Variants in MGRN1 observed in about 807,000 individuals in gnomAD.
MGRN1 encodes mahogunin ring finger 1.
In MGRN1, 29 loss-of-function variants were observed where a neutral mutation model predicts 69.2. That is an observed-to-expected ratio of 0.42 (90% CI 0.31 to 0.57). MGRN1 has a LOEUF of 0.57. Ranked by LOEUF, MGRN1 falls within the 20% of genes least tolerant of loss-of-function variation. The probability of loss-of-function intolerance (pLI) is 0.15; values close to 1 mark genes in which losing one functional copy is unlikely to be tolerated. For missense variants in MGRN1, 998 were observed against 796.2 expected (o/e 1.25, Z -3.05); for synonymous variants, 470 against 344.2 (o/e 1.37, Z -4.04).
chr16:4,638,937 G>A (rs1293043591), intron 1 of MGRN1, among the ~76,000 whole-genome samples: 3 of 152,082 alleles, frequency 2.0e-5, no homozygotes, highest in Admixed American at 2.0e-4. Flanking sequence ...AGACATGCTG[G>A]GTGTCTTCAT....
intron 7 of MGRN1, among the ~76,000 whole-genome samples, chr16:4,666,931 A>C (rs2141930552): frequency 6.6e-6 from 1 of 152,294 alleles, no homozygotes; most frequent in Middle Eastern, 3.4e-3. Flanking sequence ...CCCACCTGGC[A>C]TGGGTTTCTG....
chr16:4,655,860 G>C (rs1472013122), intron 4 of MGRN1, among the ~76,000 whole-genome samples: 2 of 152,386 alleles, frequency 1.3e-5, no homozygotes, highest in East Asian at 3.9e-4. Context: ...AGAGGGGTGT[G>C]TCCAGGCCTC....
rs552079243 is a variant in MGRN1, at chr16:4,676,183, G to T, written c.956-1280G>T. On this transcript the variant is annotated intron_variant, in intron 10 of 16. Coordinates refer to ENST00000262370, the MANE Select transcript of MGRN1 (RefSeq NM_015246.4). ...GAGGCTGCTGGGGCCTGGAGGGAGA[G>T]GCCGGCCGCCCAGCCTGTGGCAGAT... Among the ~76,000 whole-genome samples the T allele has an allele frequency of 3.3e-5, 5 of 152,338 alleles. No homozygotes were observed. The East Asian group carries it at 9.6e-4, about 29-fold the overall frequency.
intron 4 of MGRN1, among the ~76,000 whole-genome samples, chr16:4,656,983 T>G (rs1212964873): frequency 1.3e-5 from 2 of 152,172 alleles, no homozygotes; most frequent in Non-Finnish European, 2.9e-5. Context: ...TGGGGAGGTA[T>G]CAAAGGGATT....
In MGRN1 at chr16:4,683,938, G is replaced by A; in HGVS notation, c.1618+6G>A. The A allele has an allele frequency of 6.3e-7, 1 of 1,588,160 alleles. No individual in the cohort carries two copies. The highest frequency in any genetic ancestry group is 1.3e-5 in the African/African-American group (1 of 74,396). ...TGCTGACATCTACCTGCCAGGTAAG[G>A]GGCTGGGGGTCTGGGGGTGAGGGGC... On this transcript the variant is annotated splice_donor_region_variant and intron_variant, in intron 16 of 16. Coordinates refer to ENST00000262370, the MANE Select transcript of MGRN1 (RefSeq NM_015246.4).
At chr16:4,645,000 G>A (rs1286984361) in intron 1 of MGRN1, among the ~76,000 whole-genome samples, 1 of 152,012 alleles carries the variant, frequency 6.6e-6, no homozygotes, top group Non-Finnish European at 1.5e-5. Flanking sequence ...TATGTTAATT[G>A]TAGAAAACTT....
intron 5 of MGRN1, 40 bp from the exon 6 acceptor site, chr16:4,664,669 C>A (rs1307640422): frequency 6.2e-7 from 1 of 1,609,076 alleles, no homozygotes; most frequent in African/African-American, 1.3e-5. Context: ...CCAGGCTTGG[C>A]TGTGTGGGTC....
chr16:4,645,717 G>C (rs759652023), intron 1 of MGRN1, among the ~76,000 whole-genome samples: 1 of 152,168 alleles, frequency 6.6e-6, no homozygotes, highest in Non-Finnish European at 1.5e-5. Context: ...GAGGACTCCA[G>C]GGCCCCGAGG....
intron 16 of MGRN1, chr16:4,688,021 A>G: frequency 1.0e-6 from 1 of 985,506 alleles, no homozygotes; most frequent in Non-Finnish European, 1.2e-6. Context: ...GGAGCTGGGG[A>G]GTGCAGGTGT....
Position 4,689,046 on chromosome 16 carries a change from T to A in MGRN1, c.*138T>A. 1 of 1,196,556 alleles carries A rather than the reference T, an allele frequency of 8.4e-7. No homozygotes were observed. The highest frequency in any genetic ancestry group is 1.1e-6 in the Non-Finnish European group (1 of 884,926). 74.1% of individuals were successfully genotyped at this position (1,196,556 alleles called of 1,614,324 possible). A position where few individuals can be genotyped will look rare whatever the true frequency, so the allele number is the denominator to read the frequency against. On this transcript the variant is annotated 3_prime_UTR_variant, in exon 17 of 17. Coordinates refer to ENST00000262370, the MANE Select transcript of MGRN1 (RefSeq NM_015246.4). The stretch of plus-strand genomic sequence containing the variant: ...AGGCTCCGAGGGGCCGTGGTGACTC[T>A]TGATCAAAGAGCACAGTGAACTGTC...
At chr16:4,642,501 T>TGTGTGTGTGTGTGTGTGTGTGTGTG (rs1377829789) in intron 1 of MGRN1, among the ~76,000 whole-genome samples, 6 of 151,080 alleles carry the variant, frequency 4.0e-5, no homozygotes, top group Admixed American at 1.3e-4. Flanking sequence ...TGTGTGTGTG[T>TGTGTGTGTGTGTGTGTGTGTGTGTG]TTTTAGTAGA....
chr16:4,649,163 G>A (rs113608975), intron 1 of MGRN1: 277 of 152,542 alleles, frequency 1.8e-3, no homozygotes, highest in Non-Finnish European at 2.6e-3. Flanking sequence ...GCCCTCACGC[G>A]GGAGTCAGAC....
At chr16:4,661,463 C>T (rs1453353703) in intron 5 of MGRN1, among the ~76,000 whole-genome samples, 3 of 152,250 alleles carry the variant, frequency 2.0e-5, no homozygotes, top group Admixed American at 6.5e-5. Context: ...ACTGTGTGTT[C>T]TGCCAGCCAC....
chr16:4,687,879 C>G (rs142947566), intron 16 of MGRN1: 2 of 985,388 alleles, frequency 2.0e-6, no homozygotes, highest in Non-Finnish European at 2.4e-6. Flanking sequence ...TTGAGCCCAG[C>G]GAGTCCCTCT....
At chr16:4,628,976 A>G (rs1897844897) in intron 1 of MGRN1, among the ~76,000 whole-genome samples, 1 of 152,026 alleles carries the variant, frequency 6.6e-6, no homozygotes, top group South Asian at 2.1e-4. Context: ...AGCTGGGATT[A>G]TAGGCACTGG....
At chr16:4,646,593 TG>T (rs957242163) in intron 1 of MGRN1, among the ~76,000 whole-genome samples, 2 of 152,090 alleles carry the variant, frequency 1.3e-5, no homozygotes, top group African/African-American at 2.4e-5. Flanking sequence ...CCTCACAGCA[TG>T]GTGGCAGCTT....
At chr16:4,663,369 T>TG (rs1452496954) in intron 5 of MGRN1, among the ~76,000 whole-genome samples, 1 of 125,068 alleles carries the variant, frequency 8.0e-6, no homozygotes, top group Non-Finnish European at 1.8e-5. Context: ...GGCCTTGTTT[T>TG]TTTTTTTTTT....
intron 8 of MGRN1, among the ~76,000 whole-genome samples, chr16:4,669,801 C>T (rs1461467400): frequency 6.6e-6 from 1 of 152,094 alleles, no homozygotes; most frequent in African/African-American, 2.4e-5. Context: ...TAGAGCAGTA[C>T]ATCTGTTCTC....
At chr16:4,648,524 G>GA (rs1332213920) in intron 1 of MGRN1, among the ~76,000 whole-genome samples, 2 of 106,510 alleles carry the variant, frequency 1.9e-5, no homozygotes, top group Non-Finnish European at 3.6e-5. Flanking sequence ...TCCTCCCGGG[G>GA]CTCTTCCCGT....
Sources: gnomAD v4.1 joint callset for allele counts (sites outside exome capture counted in the v4.1 genomes callset) on GRCh38, gnomAD v4.1.1 for gene constraint, MANE v1.5 for transcripts, NCBI Gene and HGNC (gene_info 2026-07-23, HGNC 2026-07-21) for gene names.